The following CFI variants were observed in gnomAD, a reference collection of about 807,000 sequenced individuals.
The protein encoded by CFI is C3B/C4B inactivator.
In CFI, 66 loss-of-function variants were observed where a neutral mutation model predicts 78.8. The ratio of observed to expected loss-of-function variants is 0.84; its 90% confidence interval spans 0.69 to 1.03. The LOEUF (loss-of-function observed/expected upper bound fraction) is 1.03. Among genes scored for constraint, CFI ranks in the 50% least tolerant of loss-of-function variants. CFI has a pLI of 0.00. For missense variants in CFI, 706 were observed against 704.5 expected (o/e 1.00, Z -0.02); for synonymous variants, 250 against 232.6 (o/e 1.07, Z -0.68).
At chr4:109,770,686 T>C (rs999547276) in intron 1 of CFI, among the ~76,000 whole-genome samples, 4 of 146,226 alleles carry the variant, frequency 2.7e-5, no homozygotes, top group Admixed American at 2.7e-4. Flanking sequence ...CTCTGTTAAA[T>C]TGAGAATACA....
At chr4:109,761,756 T>C in intron 3 of CFI, 64 bp from the exon 4 acceptor site, 2 of 1,349,266 alleles carry the variant, frequency 1.5e-6, no homozygotes, top group Non-Finnish European at 2.1e-6. Flanking sequence ...ATAACCCTAC[T>C]GTAGCAGGTA....
At chr4:109,770,415 C>T (rs1285792920) in intron 1 of CFI, among the ~76,000 whole-genome samples, 3 of 151,682 alleles carry the variant, frequency 2.0e-5, no homozygotes, top group Non-Finnish European at 4.4e-5. Context: ...CAAAAATTAG[C>T]CAGGCATGAT....
At chr4:109,799,784 G>C (rs557871349) in intron 1 of CFI, among the ~76,000 whole-genome samples, 2 of 152,320 alleles carry the variant, frequency 1.3e-5, no homozygotes, top group South Asian at 4.1e-4. Context: ...GTGTGAACTT[G>C]TTTTAATAAA....
intron 7 of CFI, among the ~76,000 whole-genome samples, chr4:109,756,401 A>C (rs192142667): frequency 6.6e-6 from 1 of 150,968 alleles, no homozygotes; most frequent in Non-Finnish European, 1.5e-5. Context: ...GAAGAAGGAG[A>C]AAAGAAGAAG....
intron 1 of CFI, among the ~76,000 whole-genome samples, chr4:109,789,166 T>TA (rs1483420640): frequency 6.6e-6 from 1 of 151,710 alleles, no homozygotes; most frequent in Non-Finnish European, 1.5e-5. Flanking sequence ...TTTTAAAAAA[T>TA]AAAAAAATTA....
chr4:109,757,572 A>G (rs1012807029), intron 7 of CFI, among the ~76,000 whole-genome samples, 191 bp downstream of exon 7: 1 of 152,056 alleles, frequency 6.6e-6, no homozygotes, highest in African/African-American at 2.4e-5. Flanking sequence ...CAGGCTGTGG[A>G]TGGGGTGTGT....
intron 1 of CFI, among the ~76,000 whole-genome samples, chr4:109,798,985 T>C (rs1029337468): frequency 2.0e-5 from 3 of 152,020 alleles, no homozygotes; most frequent in African/African-American, 7.3e-5. Flanking sequence ...GGGCACTCAC[T>C]CATCCAGGCC....
At chr4:109,781,285 G>A (rs1216317594) in intron 1 of CFI, among the ~76,000 whole-genome samples, 2 of 151,664 alleles carry the variant, frequency 1.3e-5, no homozygotes, top group Non-Finnish European at 2.9e-5. Context: ...AAGAAAAGAA[G>A]AGAAAAAAAT....
intron 1 of CFI, among the ~76,000 whole-genome samples, chr4:109,778,991 T>C (rs1251007377): frequency 6.6e-6 from 1 of 152,030 alleles, no homozygotes; most frequent in African/African-American, 2.4e-5. Context: ...CTCAAAATAA[T>C]AAGAGCTATT....
At position 109,764,545 on chromosome 4, in the gene CFI, C is replaced by T. The variant is rs749260731; in HGVS notation, c.474G>A (p.Gly158=). ...REANVACLDL[G]FQQGADTQRR... is the part of the protein sequence containing the mutation. Reference sequence around the variant, plus strand: ...CTGATACAAGCGCTCACTGTTGAAACCCAAGGTCAAGGCAGGCCACGTTGG... The same window carrying T: ...CTGATACAAGCGCTCACTGTTGAAATCCAAGGTCAAGGCAGGCCACGTTGG... The change falls in exon 3 of 13, where the codon GGG becomes GGA. Residue 158 remains glycine, a synonymous_variant. Transcript: ENST00000394634. 3.7e-6 allele frequency: 6 copies of T among 1,614,062 alleles called. No individual in the cohort carries two copies. The Admixed American group carries it at 8.3e-5, about 22-fold the overall frequency.
At chr4:109,774,860 T>C (rs1037562361) in intron 1 of CFI, among the ~76,000 whole-genome samples, 1 of 152,202 alleles carries the variant, frequency 6.6e-6, no homozygotes, top group Non-Finnish European at 1.5e-5. Context: ...TTTGTTCTTA[T>C]TTCTCTAGTT....
chr4:109,759,868 T>A (rs976282974), intron 6 of CFI, among the ~76,000 whole-genome samples: 3 of 152,154 alleles, frequency 2.0e-5, no homozygotes, highest in Admixed American at 2.0e-4. Context: ...CACTCCAGCC[T>A]GGGCAACAGA....
rs114341612 is a variant in CFI at position 109,779,805 on chromosome 4, A to G, written c.58-12981T>C. Among the ~76,000 whole-genome samples, 810 of 152,244 alleles carry G rather than the reference A, an allele frequency of 5.3e-3. 7 individuals are homozygous for G. Among genetic ancestry groups the G allele is most frequent in the African/African-American group, 0.019 (776 of 41,532 alleles). Reference sequence around the variant, plus strand: ...ACAGAGACATAGACCAATCCAACAGAACAGAGGCCTCAGAAATAATACTAC... The same window carrying G: ...ACAGAGACATAGACCAATCCAACAGGACAGAGGCCTCAGAAATAATACTAC... On this transcript the variant is annotated intron_variant, in intron 1 of 12. Coordinates refer to ENST00000394634, the MANE Select transcript of CFI (RefSeq NM_000204.5).
At chr4:109,775,973 C>T (rs1209256020) in intron 1 of CFI, among the ~76,000 whole-genome samples, 2 of 152,144 alleles carry the variant, frequency 1.3e-5, no homozygotes, top group Admixed American at 6.5e-5. Flanking sequence ...ACACCAAAAC[C>T]CCATCTGTAC....
At chr4:109,732,656 G>C in the CFI span, among the ~76,000 whole-genome samples, 1 of 152,044 alleles carries the variant, frequency 6.6e-6, no homozygotes. Context: ...AGGAGATCGA[G>C]ACCATCCTGG....
intron 1 of CFI, among the ~76,000 whole-genome samples, chr4:109,771,292 C>T (rs1210869148): frequency 1.3e-5 from 2 of 152,134 alleles, no homozygotes; most frequent in Non-Finnish European, 2.9e-5. Flanking sequence ...CATGGTGGCT[C>T]ATGCCTATCA....
At chr4:109,767,585 C>T (rs1727941986) in intron 1 of CFI, among the ~76,000 whole-genome samples, 1 of 150,898 alleles carries the variant, frequency 6.6e-6, no homozygotes, top group South Asian at 2.1e-4. Flanking sequence ...CAATGAGATA[C>T]CATCTCACAC....
chr4:109,754,958 A>G (rs768019272), intron 7 of CFI, among the ~76,000 whole-genome samples: 4 of 152,232 alleles, frequency 2.6e-5, no homozygotes, highest in African/African-American at 7.2e-5. Context: ...ATGGATTTCT[A>G]TTCAACAAAT....
intron 1 of CFI, among the ~76,000 whole-genome samples, chr4:109,779,828 T>C (rs28851494): frequency 0.35 from 53,325 of 151,832 alleles, 9,770 homozygotes; most frequent in East Asian, 0.44. Flanking sequence ...GAAATAATAC[T>C]ACACATCAAC....
Sources: allele counts gnomAD v4.1 joint callset (sites outside exome capture counted in the v4.1 genomes callset), GRCh38; gene constraint gnomAD v4.1.1; transcripts MANE v1.5; gene names NCBI Gene and HGNC (gene_info 2026-07-23, HGNC 2026-07-21).